BMP6: variants seen among roughly 807,000 people sequenced by gnomAD.
The protein encoded by BMP6 is bone morphogenetic protein 6.
Under a neutral mutation model 54.1 loss-of-function variants are expected in BMP6, and 17 were observed. The observed-to-expected ratio is 0.31, with a 90% CI of 0.22 to 0.47. BMP6 has a LOEUF of 0.47. Ranked by LOEUF, BMP6 falls within the 20% of genes least tolerant of loss-of-function variation. The pLI is 1.00. For synonymous variants in BMP6, 328 were observed against 291.2 expected (o/e 1.13, Z -1.28); for missense variants, 720 against 690.4 (o/e 1.04, Z -0.48).
At chr6:7,841,382 C>G (rs1453790573) in intron 1 of BMP6, among the ~76,000 whole-genome samples, 1 of 152,194 alleles carries the variant, frequency 6.6e-6, no homozygotes, top group African/African-American at 2.4e-5. Flanking sequence ...CTTGAACTGT[C>G]TGGCATTTGA....
At chr6:7,848,354 A>G (rs1480789038) in intron 2 of BMP6, among the ~76,000 whole-genome samples, 1 of 152,190 alleles carries the variant, frequency 6.6e-6, no homozygotes, top group African/African-American at 2.4e-5. Context: ...TGTGAAAGCT[A>G]AAGAACTTGT....
At chr6:7,862,539 G>A in intron 4 of BMP6, 41 bp downstream of exon 4, 2 of 1,608,972 alleles carry the variant, frequency 1.2e-6, no homozygotes, top group Non-Finnish European at 1.7e-6. Flanking sequence ...AAGCCTTGTT[G>A]GCCTCAGTGA....
intron 2 of BMP6, among the ~76,000 whole-genome samples, chr6:7,853,427 G>A (rs1759176110): frequency 6.6e-6 from 1 of 152,074 alleles, no homozygotes; most frequent in Non-Finnish European, 1.5e-5. Flanking sequence ...GGAGGAGAGT[G>A]GTTTCTTTAG....
intron 1 of BMP6, among the ~76,000 whole-genome samples, chr6:7,741,748 A>G (rs569788766): frequency 1.3e-5 from 2 of 152,318 alleles, no homozygotes; most frequent in South Asian, 4.1e-4. Context: ...CAGCATTCTA[A>G]TTTCTGATGC....
intron 1 of BMP6, among the ~76,000 whole-genome samples, chr6:7,843,286 C>T (rs1039965022): frequency 5.3e-5 from 8 of 151,618 alleles, no homozygotes; most frequent in Middle Eastern, 6.8e-3. Context: ...AAAAAGAACT[C>T]GAATCTAAAA....
intron 1 of BMP6, among the ~76,000 whole-genome samples, chr6:7,827,889 G>A (rs758690742): frequency 4.6e-5 from 7 of 152,178 alleles, no homozygotes; most frequent in Non-Finnish European, 7.3e-5. Context: ...GTAGATTGGC[G>A]TCAATTTGGG....
chr6:7,846,743 C>T (rs746571573), intron 2 of BMP6, among the ~76,000 whole-genome samples: 18 of 152,256 alleles, frequency 1.2e-4, no homozygotes, highest in Non-Finnish European at 2.6e-4. Context: ...CTACTGAGGG[C>T]CTCTTTTGAA....
intron 1 of BMP6, among the ~76,000 whole-genome samples, chr6:7,841,444 G>A (rs1758967132): frequency 6.6e-6 from 1 of 152,224 alleles, no homozygotes; most frequent in Non-Finnish European, 1.5e-5. Context: ...AAACATTACT[G>A]TTTTACCATT....
chr6:7,792,040 ATT>A (rs1758116990), intron 1 of BMP6, among the ~76,000 whole-genome samples: 1 of 151,730 alleles, frequency 6.6e-6, no homozygotes, highest in African/African-American at 2.4e-5. Context: ...ATGGAAACTT[ATT>A]TTAAGGAATT....
chr6:7,797,536 C>G (rs1227316749), intron 1 of BMP6, among the ~76,000 whole-genome samples: 1 of 152,142 alleles, frequency 6.6e-6, no homozygotes, highest in Non-Finnish European at 1.5e-5. Flanking sequence ...AGGTGAGAAA[C>G]AAGAGTGGGT....
At chr6:7,856,594 C>CTTTTTTTTTT (rs1561792989) in intron 2 of BMP6, among the ~76,000 whole-genome samples, 2 of 77,254 alleles carry the variant, frequency 2.6e-5, no homozygotes, top group African/African-American at 1.2e-4. Flanking sequence ...TTATCAAGAG[C>CTTTTTTTTTT]ATTTTTTTTT....
intron 1 of BMP6, among the ~76,000 whole-genome samples, chr6:7,765,774 G>A (rs920908043): frequency 6.6e-6 from 1 of 152,248 alleles, no homozygotes; most frequent in African/African-American, 2.4e-5. Context: ...TAAGATCAAG[G>A]TGCCGGCAGG....
intron 1 of BMP6, among the ~76,000 whole-genome samples, chr6:7,815,538 C>A (rs1014329011): frequency 6.6e-6 from 1 of 152,170 alleles, no homozygotes; most frequent in Non-Finnish European, 1.5e-5. Context: ...TGCTAAGTTA[C>A]TTTTGCTAAG....
Position 7,727,336 on chromosome 6 carries a change from G to A in BMP6, c.381G>A (p.Gly127=), listed in dbSNP as rs769758049. ...TGCCTCGCGGAGAGCCCCCTCCCGG[G>A]CGACTGAAGTCCGCGCCCCTCTTCA... ...QQLPRGEPPP[G]RLKSAPLFML... Residue 127 remains glycine, a synonymous_variant, in exon 1 of 7, where the codon GGG becomes GGA. Coordinates refer to ENST00000283147, the MANE Select transcript of BMP6 (RefSeq NM_001718.6). 3.1e-6 allele frequency: 5 copies of A among 1,609,636 alleles called. 1 individual carries two copies. The South Asian group carries it at 4.4e-5, about 14-fold the overall frequency.
intron 1 of BMP6, among the ~76,000 whole-genome samples, chr6:7,763,574 T>A (rs1757644597): frequency 6.6e-6 from 1 of 152,174 alleles, no homozygotes; most frequent in Non-Finnish European, 1.5e-5. Context: ...AGGGGACAAT[T>A]TGCCAGATAT....
Position 7,880,255 on chromosome 6 carries a change from C to A in BMP6, c.1454C>A (p.Ala485Asp), listed in dbSNP as rs765817418. 8 of 1,613,972 alleles carry A rather than the reference C, an allele frequency of 5.0e-6. No homozygotes were observed. ...KPCCAPTKLN[A>D]ISVLYFDDNS... is the part of the protein sequence containing the mutation. ...TGCTGTGCGCCAACTAAGCTAAATGCCATCTCGGTTCTTTACTTTGATGAC... is the reference window on the plus strand; with the variant it reads ...TGCTGTGCGCCAACTAAGCTAAATGACATCTCGGTTCTTTACTTTGATGAC... Residue 485 changes from alanine (A) to aspartate (D), a missense_variant, in exon 7 of 7, where the codon GCC (alanine) becomes GAC (aspartate). Around this residue, in one of 3 missense-constraint regions of BMP6, gnomAD observed 43 missense variants for 54.0 expected, o/e 0.80. Transcript: ENST00000283147.
At chr6:7,744,185 C>A (rs941672963) in intron 1 of BMP6, among the ~76,000 whole-genome samples, 1 of 152,106 alleles carries the variant, frequency 6.6e-6, no homozygotes, top group African/African-American at 2.4e-5. Flanking sequence ...TGATACATTT[C>A]AAAGTAAAGT....
chr6:7,755,200 G>C (rs1432463441), intron 1 of BMP6, among the ~76,000 whole-genome samples: 1 of 152,114 alleles, frequency 6.6e-6, no homozygotes, highest in East Asian at 1.9e-4. Flanking sequence ...ATGTGTCTGG[G>C]TGTAAATCTA....
chr6:7,753,450 C>G (rs1757456667), intron 1 of BMP6, among the ~76,000 whole-genome samples: 1 of 152,178 alleles, frequency 6.6e-6, no homozygotes, highest in South Asian at 2.1e-4. Flanking sequence ...GATTAGAAAC[C>G]TGCATTTACA....
Sources: gnomAD v4.1 joint callset for allele counts (sites outside exome capture counted in the v4.1 genomes callset) on GRCh38, gnomAD v4.1.1 for gene constraint, gnomAD v4.1.1 regional missense constraint, MANE v1.5 for transcripts, NCBI Gene and HGNC (gene_info 2026-07-23, HGNC 2026-07-21) for gene names.